The following RARS1 variants were observed in gnomAD, a reference collection of about 807,000 sequenced individuals.
The protein encoded by RARS1 is arginyl-tRNA synthetase 1.
In RARS1, 75 loss-of-function variants were observed where a neutral mutation model predicts 78.7. The observed-to-expected ratio is 0.95, with a 90% CI of 0.79 to 1.15. The LOEUF (loss-of-function observed/expected upper bound fraction) is 1.15, where lower values mean the gene tolerates loss of function less well. RARS1 is among the 50% of genes most tolerant of loss of function. RARS1 has a pLI of 0.00. For missense variants in RARS1, 787 were observed against 787.5 expected (o/e 1.00, Z 0.01); for synonymous variants, 273 against 268.2 (o/e 1.02, Z -0.18).
Position 168,494,249 on chromosome 5 carries a change from T to G in RARS1, c.478+247T>G, listed in dbSNP as rs76943812. On this transcript the variant is annotated intron_variant, in intron 4 of 14. Transcript: ENST00000231572. ...CAGTTTTTCATCAGCAAAATGAGGATAGATAATGGCAGATAAGTCTTCGGC... is the reference window on the plus strand; with the variant it reads ...CAGTTTTTCATCAGCAAAATGAGGAGAGATAATGGCAGATAAGTCTTCGGC... 7 of 985,164 alleles carry G rather than the reference T, an allele frequency of 7.1e-6. No homozygotes were observed. In the African/African-American group the frequency reaches 1.2e-4, roughly 17 times the overall value. 61.0% of individuals were successfully genotyped at this position (985,164 alleles called of 1,614,324 possible). A position where few individuals can be genotyped will look rare whatever the true frequency, so the allele number is the denominator to read the frequency against.
intron 12 of RARS1, among the ~76,000 whole-genome samples, chr5:168,511,003 C>T (rs770187125): frequency 6.6e-6 from 1 of 152,158 alleles, no homozygotes; most frequent in Admixed American, 6.6e-5. Context: ...CGTCAGCTCA[C>T]ATCAGAGTCT....
intron 9 of RARS1, among the ~76,000 whole-genome samples, chr5:168,505,478 T>A (rs2152905230): frequency 6.6e-6 from 1 of 152,302 alleles, no homozygotes; most frequent in Non-Finnish European, 1.5e-5. Flanking sequence ...TAGAGATCAC[T>A]ATAAGAATTG....
rs926580683 is a variant in RARS1, at chr5:168,501,900, A to G, written c.953-101A>G. On this transcript the variant is annotated intron_variant, in intron 8 of 14. Transcript: ENST00000231572. Reference sequence around the variant, plus strand: ...TTTTTATGTAATTAATTTCCTTTTAATATTTGTATTAATAAATTTATTTCA... The same window carrying G: ...TTTTTATGTAATTAATTTCCTTTTAGTATTTGTATTAATAAATTTATTTCA... 4 of 1,435,116 alleles carry G rather than the reference A, an allele frequency of 2.8e-6. No individual in the cohort carries two copies. In the African/African-American group the frequency reaches 4.4e-5, roughly 16 times the overall value. The allele number at this position is 1,435,116 out of a possible 1,614,324, so 88.9% of individuals were successfully genotyped here.
At chr5:168,487,661 T>C (rs1757998202) in intron 1 of RARS1, among the ~76,000 whole-genome samples, 2 of 152,212 alleles carry the variant, frequency 1.3e-5, no homozygotes, top group Admixed American at 1.3e-4. Context: ...TTTTTGGCAA[T>C]TTGGTTTTGG....
chr5:168,514,622 C>G (rs183348918), intron 12 of RARS1, among the ~76,000 whole-genome samples: 2 of 152,196 alleles, frequency 1.3e-5, no homozygotes, highest in Admixed American at 6.5e-5. Context: ...TTTAGTATCC[C>G]CAGATACTAA....
intron 12 of RARS1, among the ~76,000 whole-genome samples, chr5:168,513,877 C>CA (rs1758614985): frequency 6.6e-6 from 1 of 151,886 alleles, no homozygotes; most frequent in Non-Finnish European, 1.5e-5. Context: ...TTTGTTTGTC[C>CA]AAAAATGTCT....
At chr5:168,504,118 G>A (rs866950259) in intron 9 of RARS1, among the ~76,000 whole-genome samples, 5 of 150,702 alleles carry the variant, frequency 3.3e-5, no homozygotes, top group East Asian at 2.0e-4. Flanking sequence ...ATGGCAGCTC[G>A]TGACAGTAAT....
At chr5:168,498,564 A>T (rs1281750707) in intron 7 of RARS1, among the ~76,000 whole-genome samples, 2 of 152,188 alleles carry the variant, frequency 1.3e-5, no homozygotes, top group African/African-American at 4.8e-5. Flanking sequence ...ATTTTGTTGG[A>T]TCAGTGTACC....
rs1167622762 is a variant in RARS1 at position 168,501,868 on chromosome 5, C to A, written c.953-133C>A. On this transcript the variant is annotated intron_variant, in intron 8 of 14. Coordinates refer to ENST00000231572, the MANE Select transcript of RARS1 (RefSeq NM_002887.4). ...ACAGCATGTATATAATGTTCTATAT[C>A]ATACATTTTTTATGTAATTAATTTC... 5 of 1,331,508 alleles carry A rather than the reference C, an allele frequency of 3.8e-6. No homozygotes were observed. In the East Asian group the frequency reaches 1.4e-4, roughly 38 times the overall value. 82.5% of individuals were successfully genotyped at this position (1,331,508 alleles called of 1,614,324 possible).
At chr5:168,515,537 A>G (rs1172778518) in intron 12 of RARS1, among the ~76,000 whole-genome samples, 3 of 152,222 alleles carry the variant, frequency 2.0e-5, no homozygotes, top group Non-Finnish European at 2.9e-5. Flanking sequence ...AATTATAAAG[A>G]TTATGGCTGA....
intron 8 of RARS1, among the ~76,000 whole-genome samples, chr5:168,501,135 C>T (rs138112947): frequency 1.2e-4 from 18 of 152,126 alleles, no homozygotes; most frequent in Non-Finnish European, 1.9e-4. Context: ...GATTTTAAGG[C>T]GATTTCAAGT....
rs60743864 is a variant in RARS1 at position 168,505,714 on chromosome 5, G to GA, written c.1058-286dup. Among the ~76,000 whole-genome samples the GA allele has an allele frequency of 6.1e-3, 698 of 114,210 alleles. 3 individuals are homozygous for GA. Among genetic ancestry groups the GA allele is most frequent in the Admixed American group, 0.011 (118 of 11,146 alleles). The allele number at this position is 114,210 out of a possible 152,430, so 74.9% of individuals were successfully genotyped here. ...CGTAGCAAGACTGTGTATCAAAAAA[G>GA]AAAAAAAAAAAAAAAAAAAAAGCAG... On this transcript the variant is annotated intron_variant, in intron 9 of 14. Transcript: ENST00000231572.
chr5:168,492,579 A>C, intron 2 of RARS1, 80 bp from the exon 3 acceptor site: 327 of 1,224,872 alleles, frequency 2.7e-4, no homozygotes, highest in Non-Finnish European at 3.4e-4. Flanking sequence ...TTGGAGGTTT[A>C]TACTCAAAAT....
In RARS1 at chr5:168,517,875, C is replaced by A; in HGVS notation, c.1686C>A (p.Thr562=). 1 of 1,613,600 alleles carries A rather than the reference C, an allele frequency of 6.2e-7. No homozygotes were observed. The highest frequency in any genetic ancestry group is 1.1e-5 in the South Asian group (1 of 91,058). The change falls in exon 14 of 15, where the codon ACC becomes ACA. Residue 562 remains threonine, a synonymous_variant. Transcript: ENST00000231572. ...EEMLQKAARE[T]KILLDHEKEW... is the part of the protein sequence containing the mutation. ...TGCTCCAAAAAGCTGCTCGAGAAAC[C>A]AAGATTCTTTTGGATCATGAGAAGG...
chr5:168,504,197 CAAT>C (rs1758387824), intron 9 of RARS1, among the ~76,000 whole-genome samples: 1 of 151,738 alleles, frequency 6.6e-6, no homozygotes, highest in East Asian at 1.9e-4. Flanking sequence ...GCCTGGGCAA[CAAT>C]GTGTGAGACC....
intron 9 of RARS1, among the ~76,000 whole-genome samples, chr5:168,504,538 A>T (rs1462069244): frequency 1.3e-5 from 2 of 149,200 alleles, no homozygotes; most frequent in African/African-American, 5.0e-5. Flanking sequence ...AAAAAAAGAA[A>T]AAAAAATGCC....
rs144947867 is a variant in RARS1, at chr5:168,492,698, A to G, written c.220A>G (p.Ile74Val). 6.0e-5 allele frequency: 97 copies of G among 1,611,392 alleles called. No individual in the cohort carries two copies. In the African/African-American group the frequency reaches 1.1e-3, roughly 19 times the overall value. Residue 74 changes from isoleucine to valine, a missense_variant, in exon 3 of 15, where the codon ATT becomes GTT. Ile to Val is a conservative substitution (Grantham distance 29). Coordinates refer to ENST00000231572, the MANE Select transcript of RARS1 (RefSeq NM_002887.4). ...AERNKPTKNMINIISRLQEVF... is the reference protein window; with the variant it reads ...AERNKPTKNMVNIISRLQEVF... ...AAGGAACAAACCAACTAAAAATATGATTAACATTATTAGCCGCCTACAAGA... is the reference window on the plus strand; with the variant it reads ...AAGGAACAAACCAACTAAAAATATGGTTAACATTATTAGCCGCCTACAAGA...
In RARS1 at chr5:168,518,095, T is replaced by A. The variant is rs1213818781; in HGVS notation, c.1873+33T>A. The stretch of plus-strand genomic sequence containing the variant: ...TCTTTTTTTTTTTTTTTTTTTTTTT[T>A]AGTGAGAGACACGGATCTTGCTCTG... On this transcript the variant is annotated intron_variant, in intron 14 of 14. Transcript: ENST00000231572. 1.8e-5 allele frequency: 24 copies of A among 1,338,142 alleles called. 2 individuals carry two copies. The highest frequency in any genetic ancestry group is 2.1e-5 in the Non-Finnish European group (22 of 1,024,476). 82.9% of individuals were successfully genotyped at this position (1,338,142 alleles called of 1,614,324 possible). A position where few individuals can be genotyped will look rare whatever the true frequency, so the allele number is the denominator to read the frequency against.
intron 6 of RARS1, among the ~76,000 whole-genome samples, chr5:168,495,692 T>A (rs896368225): frequency 2.6e-5 from 4 of 152,228 alleles, no homozygotes; most frequent in African/African-American, 7.2e-5. Context: ...CACATGTTTC[T>A]TGAGGACCTC....
Sources: allele counts gnomAD v4.1 joint callset (sites outside exome capture counted in the v4.1 genomes callset), GRCh38; gene constraint gnomAD v4.1.1; transcripts MANE v1.5; gene names NCBI Gene and HGNC (gene_info 2026-07-23, HGNC 2026-07-21).